The following CXCR2 variants were observed in gnomAD, a reference collection of about 807,000 sequenced individuals.
The protein encoded by CXCR2 is C-X-C chemokine receptor type 2.
Under a neutral mutation model 3.7 loss-of-function variants are expected in CXCR2, and 2 were observed. The ratio of observed to expected loss-of-function variants is 0.55; its 90% CI spans 0.22 to 1.72. CXCR2 has a LOEUF of 1.72. Ranked by LOEUF, CXCR2 falls within the 40% of genes most tolerant of loss-of-function variation. The probability of loss-of-function intolerance (pLI) is 0.19; values close to 1 mark genes in which losing one functional copy is unlikely to be tolerated. For synonymous variants in CXCR2, 203 were observed against 193.3 expected (o/e 1.05, Z -0.41); for missense variants, 351 against 450.1 (o/e 0.78, Z 1.99).
Position 218,135,957 on chromosome 2 carries a change from A to C in CXCR2, c.*73A>C. The C allele has an allele frequency of 6.6e-7, 1 of 1,519,478 alleles. No individual in the cohort carries two copies. Among genetic ancestry groups the C allele is most frequent in the Non-Finnish European group, 8.8e-7 (1 of 1,132,706 alleles). The allele number at this position is 1,519,478 out of a possible 1,614,324, so 94.1% of individuals were successfully genotyped here. ...CAGTCACATTCCAAGCCTCATGTCCACTGGTTCTTCTTGGTCTCAGTGTCA... is the reference window on the plus strand; with the variant it reads ...CAGTCACATTCCAAGCCTCATGTCCCCTGGTTCTTCTTGGTCTCAGTGTCA... On this transcript the variant is annotated 3_prime_UTR_variant, in exon 3 of 3. Transcript: ENST00000318507. This position sits in a 1 kb window ranked among gnomAD's most constrained non-coding sequence, Gnocchi z 4.0.
intron 2 of CXCR2, among the ~76,000 whole-genome samples, chr2:218,132,381 C>T (rs978864269): frequency 2.6e-5 from 4 of 152,152 alleles, no homozygotes; most frequent in African/African-American, 7.2e-5. Context: ...CCTTTTTTCA[C>T]CTAGACTAAC....
In CXCR2 at chr2:218,135,961, G is replaced by A. The variant is rs1468006201; in HGVS notation, c.*77G>A. 11 of 1,511,786 alleles carry A rather than the reference G, an allele frequency of 7.3e-6. No homozygotes were observed. In the South Asian group the frequency reaches 1.3e-4, roughly 18 times the overall value. 93.6% of individuals were successfully genotyped at this position (1,511,786 alleles called of 1,614,324 possible). A position where few individuals can be genotyped will look rare whatever the true frequency, so the allele number is the denominator to read the frequency against. On this transcript the variant is annotated 3_prime_UTR_variant, in exon 3 of 3. Coordinates refer to ENST00000318507, the MANE Select transcript of CXCR2 (RefSeq NM_001557.4). The surrounding 1 kb of genome is among the most constrained non-coding windows in gnomAD (Gnocchi z 4.0). ...CACATTCCAAGCCTCATGTCCACTG[G>A]TTCTTCTTGGTCTCAGTGTCAATGC...
chr2:218,126,456 G>A (rs1487200750), intron 1 of CXCR2, 103 bp downstream of exon 1: 2 of 152,212 alleles, frequency 1.3e-5, no homozygotes, highest in African/African-American at 2.4e-5. Context: ...GGGTGATGAA[G>A]TGTAGAAGCT....
Position 218,135,933 on chromosome 2 carries a change from A to C in CXCR2, c.*49A>C. 1 of 1,550,152 alleles carries C rather than the reference A, an allele frequency of 6.5e-7. No individual in the cohort carries two copies. The highest frequency in any genetic ancestry group is 8.7e-7 in the Non-Finnish European group (1 of 1,148,646). On this transcript the variant is annotated 3_prime_UTR_variant, in exon 3 of 3. Transcript: ENST00000318507. The surrounding 1 kb of genome is among the most constrained non-coding windows in gnomAD (Gnocchi z 4.0). ...CGTGGGGTTCCTCCCTTCTCTTCAC[A>C]GTCACATTCCAAGCCTCATGTCCAC... is the stretch of plus-strand genomic sequence containing the variant.
chr2:218,127,734 A>G (rs1403178980), intron 1 of CXCR2, among the ~76,000 whole-genome samples: 4 of 152,182 alleles, frequency 2.6e-5, no homozygotes, highest in African/African-American at 9.7e-5. Context: ...TTAACCTCTC[A>G]GAGTCTTCAT....
chr2:218,135,952 T>G lies in CXCR2; in HGVS notation c.*68T>G, dbSNP rs1690791292. 6.6e-7 allele frequency: 1 copy of G among 1,524,804 alleles called. No homozygotes were observed. The highest frequency in any genetic ancestry group is 1.4e-5 in the African/African-American group (1 of 72,026). The allele number at this position is 1,524,804 out of a possible 1,614,324, so 94.5% of individuals were successfully genotyped here. A position where few individuals can be genotyped will look rare whatever the true frequency, so the allele number is the denominator to read the frequency against. On this transcript the variant is annotated 3_prime_UTR_variant, in exon 3 of 3. Coordinates refer to ENST00000318507, the MANE Select transcript of CXCR2 (RefSeq NM_001557.4). The surrounding 1 kb of genome is among the most constrained non-coding windows in gnomAD (Gnocchi z 4.0). ...CTTCACAGTCACATTCCAAGCCTCA[T>G]GTCCACTGGTTCTTCTTGGTCTCAG...
At chr2:218,130,687 C>A in intron 2 of CXCR2, among the ~76,000 whole-genome samples, 1 of 152,324 alleles carries the variant, frequency 6.6e-6, no homozygotes, top group East Asian at 1.9e-4. Flanking sequence ...CCATGGAGAT[C>A]ATGTACCTGT....
chr2:218,131,333 A>C (rs1235702573), intron 2 of CXCR2, among the ~76,000 whole-genome samples: 1 of 152,148 alleles, frequency 6.6e-6, no homozygotes, highest in African/African-American at 2.4e-5. Context: ...GACTTCTTTC[A>C]GGTCTTGCTG....
Position 218,135,969 on chromosome 2 carries a change from T to A in CXCR2, c.*85T>A, listed in dbSNP as rs1690791760. On this transcript the variant is annotated 3_prime_UTR_variant, in exon 3 of 3. Transcript: ENST00000318507. This position sits in a 1 kb window ranked among gnomAD's most constrained non-coding sequence, Gnocchi z 4.0. Reference sequence around the variant, plus strand: ...AAGCCTCATGTCCACTGGTTCTTCTTGGTCTCAGTGTCAATGCAGCCCCCA... The same window carrying A: ...AAGCCTCATGTCCACTGGTTCTTCTAGGTCTCAGTGTCAATGCAGCCCCCA... 1 of 1,496,722 alleles carries A rather than the reference T, an allele frequency of 6.7e-7. No individual in the cohort carries two copies. The highest frequency in any genetic ancestry group is 9.0e-7 in the Non-Finnish European group (1 of 1,115,018). 92.7% of individuals were successfully genotyped at this position (1,496,722 alleles called of 1,614,324 possible). A position where few individuals can be genotyped will look rare whatever the true frequency, so the allele number is the denominator to read the frequency against.
intron 2 of CXCR2, among the ~76,000 whole-genome samples, chr2:218,133,326 G>A (rs148893038): frequency 1.4e-4 from 17 of 121,496 alleles, no homozygotes; most frequent in South Asian, 5.2e-4. Flanking sequence ...TTGAGGCAGA[G>A]TCTCGCTCTG....
intron 2 of CXCR2, among the ~76,000 whole-genome samples, chr2:218,132,276 C>A (rs1038438400): frequency 8.5e-5 from 13 of 152,186 alleles, no homozygotes; most frequent in Non-Finnish European, 1.6e-4. Context: ...CTGGAAACCA[C>A]CAATCTACTT....
At chr2:218,131,773 T>C (rs560325821) in intron 2 of CXCR2, among the ~76,000 whole-genome samples, 337 of 151,694 alleles carry the variant, frequency 2.2e-3, no homozygotes, top group Non-Finnish European at 3.8e-3. Context: ...TTAACTTTTA[T>C]TGTTGTGATC....
At position 218,135,837 on chromosome 2, in the gene CXCR2, C is replaced by T. The variant is rs200600788; in HGVS notation, c.1036C>T (p.Pro346Ser). ...GGACTCCCTGCCCAAAGACAGCAGG[C>T]CTTCCTTTGTTGGCTCTTCTTCAGG... ...SKDSLPKDSR[P>S]SFVGSSSGHT... The change falls in exon 3 of 3, where the codon CCT becomes TCT. Residue 346 changes from proline (P) to serine (S), a missense_variant. Pro to Ser is a moderately conservative substitution (Grantham distance 74). Coordinates refer to ENST00000318507, the MANE Select transcript of CXCR2 (RefSeq NM_001557.4). The surrounding 1 kb of genome is among the most constrained non-coding windows in gnomAD (Gnocchi z 4.0). 1.2e-6 allele frequency: 2 copies of T among 1,613,810 alleles called. No homozygotes were observed. Among genetic ancestry groups the T allele is most frequent in the South Asian group, 1.1e-5 (1 of 91,066 alleles).
chr2:218,134,893 C>A lies in CXCR2; in HGVS notation c.92C>A (p.Pro31His), dbSNP rs1280319953. Residue 31 changes from proline (P) to histidine (H), a missense_variant, in exon 3 of 3, where the codon CCT (proline) becomes CAT (histidine). By Grantham distance (77) the Pro-to-His change is moderately conservative. Coordinates refer to ENST00000318507, the MANE Select transcript of CXCR2 (RefSeq NM_001557.4). Reference sequence around the variant, plus strand: ...TACAGTTACAGCTCTACCCTGCCCCCTTTTCTACTAGATGCCGCCCCATGT... The same window carrying A: ...TACAGTTACAGCTCTACCCTGCCCCATTTTCTACTAGATGCCGCCCCATGT... Reference protein sequence around the residue: ...SNYSYSSTLPPFLLDAAPCEP... With the variant: ...SNYSYSSTLPHFLLDAAPCEP... 9.9e-6 allele frequency: 16 copies of A among 1,614,048 alleles called. No individual in the cohort carries two copies. Among genetic ancestry groups the A allele is most frequent in the Non-Finnish European group, 1.4e-5 (16 of 1,180,038 alleles).
Position 218,135,976 on chromosome 2 carries a change from A to C in CXCR2, c.*92A>C. ...ATGTCCACTGGTTCTTCTTGGTCTC[A>C]GTGTCAATGCAGCCCCCATTGTGGT... On this transcript the variant is annotated 3_prime_UTR_variant, in exon 3 of 3. Coordinates refer to ENST00000318507, the MANE Select transcript of CXCR2 (RefSeq NM_001557.4). The surrounding 1 kb of genome is among the most constrained non-coding windows in gnomAD (Gnocchi z 4.0). 31 of 1,473,420 alleles carry C rather than the reference A, an allele frequency of 2.1e-5. No homozygotes were observed. The highest frequency in any genetic ancestry group is 2.6e-5 in the Non-Finnish European group (28 of 1,094,462). 91.3% of individuals were successfully genotyped at this position (1,473,420 alleles called of 1,614,324 possible).
Position 218,135,974 on chromosome 2 carries a change from TCA to T in CXCR2, c.*91_*92del. ...TCATGTCCACTGGTTCTTCTTGGTC[TCA>T]GTGTCAATGCAGCCCCCATTGTGGT... On this transcript the variant is annotated 3_prime_UTR_variant, in exon 3 of 3. Coordinates refer to ENST00000318507, the MANE Select transcript of CXCR2 (RefSeq NM_001557.4). This position sits in a 1 kb window ranked among gnomAD's most constrained non-coding sequence, Gnocchi z 4.0. 3 of 1,477,086 alleles carry T rather than the reference TCA, an allele frequency of 2.0e-6. No homozygotes were observed. Among genetic ancestry groups the T allele is most frequent in the Non-Finnish European group, 2.7e-6 (3 of 1,097,584 alleles). The allele number at this position is 1,477,086 out of a possible 1,614,324, so 91.5% of individuals were successfully genotyped here. A position where few individuals can be genotyped will look rare whatever the true frequency, so the allele number is the denominator to read the frequency against.
intron 2 of CXCR2, among the ~76,000 whole-genome samples, chr2:218,130,195 C>T (rs1173950891): frequency 2.0e-4 from 30 of 152,074 alleles, no homozygotes; most frequent in Non-Finnish European, 7.4e-5. Flanking sequence ...CTAAGGTGGG[C>T]GGATCACCTG....
chr2:218,134,649 A>G, intron 2 of CXCR2, 128 bp from the exon 3 acceptor site: 1 of 885,870 alleles, frequency 1.1e-6, no homozygotes, highest in Non-Finnish European at 1.7e-6. Flanking sequence ...CCACTTACAA[A>G]TTTGAAGGGA....
rs1365626515 is a variant in CXCR2 at position 218,136,389 on chromosome 2, G to T, written c.*505G>T. The stretch of plus-strand genomic sequence containing the variant: ...GCAGAGGTTGCAGTGAGCCGAGATT[G>T]TGCCCCTGCACTCCAGCCTGAGCGA... On this transcript the variant is annotated 3_prime_UTR_variant, in exon 3 of 3. Transcript: ENST00000318507. 2 of 170,850 alleles carry T rather than the reference G, an allele frequency of 1.2e-5. No individual in the cohort carries two copies. The allele number at this position is 170,850 out of a possible 1,614,324, so 10.6% of individuals were successfully genotyped here.
Sources: gnomAD v4.1 joint callset for allele counts (sites outside exome capture counted in the v4.1 genomes callset) on GRCh38, gnomAD v4.1.1 for gene constraint, Gnocchi (gnomAD v3.1) non-coding constraint, MANE v1.5 for transcripts, NCBI Gene and HGNC (gene_info 2026-07-23, HGNC 2026-07-21) for gene names.